LZTR1: variants seen among roughly 807,000 people sequenced by gnomAD.
LZTR1 encodes the protein leucine zipper like post translational regulator 1.
Under a neutral mutation model 105.7 loss-of-function variants are expected in LZTR1, and 260 were observed. The observed-to-expected ratio is 2.46, with a 90% CI of 2.22 to 2.72. The LOEUF (loss-of-function observed/expected upper bound fraction) is 2.72, where lower values mean the gene tolerates loss of function less well. Among genes scored for constraint, LZTR1 ranks in the 30% most tolerant of loss-of-function variants. LZTR1 has a pLI of 0.00. For missense variants in LZTR1, 1,214 were observed against 1,166.9 expected (o/e 1.04, Z -0.59); for synonymous variants, 490 against 476.4 (o/e 1.03, Z -0.37).
At position 20,994,975 on chromosome 22, in the gene LZTR1, C is replaced by G; in HGVS notation, c.1891C>G (p.Arg631Gly). Residue 631 changes from arginine to glycine, a missense_variant, in exon 16 of 21, where the codon CGG (arginine) becomes GGG (glycine). By Grantham distance (125) the Arg-to-Gly change is moderately radical. Transcript: ENST00000646124. ...SSPLIVEIVR[R>G]KQQPPPRTPL... ...TCCACTGATAGTGGAGATTGTGCGG[C>G]GGAAGCAGCAGCCGCCCCCTCGCAC... The G allele has an allele frequency of 6.2e-7, 1 of 1,613,132 alleles. No individual in the cohort carries two copies.
In LZTR1 at chr22:20,985,911, T is replaced by C; in HGVS notation, c.320+14T>C. 8 of 1,613,758 alleles carry C rather than the reference T, an allele frequency of 5.0e-6. No individual in the cohort carries two copies. Among genetic ancestry groups the C allele is most frequent in the Non-Finnish European group, 6.8e-6 (8 of 1,179,692 alleles). ...CTCCTGGTGCAGGTGGGTGGCCCCG[T>C]GCTCCAGGGCCCTGCCTTTCCTCCT... is the stretch of plus-strand genomic sequence containing the variant. On this transcript the variant is annotated intron_variant, in intron 3 of 20. Transcript: ENST00000646124.
intron 11 of LZTR1, chr22:20,993,286 C>G (rs1339253760): frequency 9.2e-6 from 4 of 433,492 alleles, no homozygotes; most frequent in Non-Finnish European, 1.7e-5. Context: ...GGACTCACAG[C>G]CACAGTGAGG....
In LZTR1 at chr22:20,994,236, C is replaced by T. The variant is rs1331354829; in HGVS notation, c.1582C>T (p.Leu528Phe). The T allele has an allele frequency of 1.9e-6, 3 of 1,599,776 alleles. No homozygotes were observed. Among genetic ancestry groups the T allele is most frequent in the East Asian group, 2.2e-5 (1 of 44,846 alleles). Residue 528 changes from leucine (L) to phenylalanine (F), a missense_variant, in exon 14 of 21, where the codon CTC becomes TTC. Leu to Phe is a conservative substitution (Grantham distance 22). Coordinates refer to ENST00000646124, the MANE Select transcript of LZTR1 (RefSeq NM_006767.4). ...ARPFEVLMQF[L>F]YTDKIKYPRK... ...GCCCTTCGAGGTGCTCATGCAGTTC[C>T]TCTACACCGACAAGATCAAATACCC... is the stretch of plus-strand genomic sequence containing the variant.
intron 18 of LZTR1, 28 bp from the exon 19 acceptor site, chr22:20,996,668 T>C: frequency 6.2e-7 from 1 of 1,603,940 alleles, no homozygotes; most frequent in Non-Finnish European, 8.5e-7. Flanking sequence ...ACCAGCTTCC[T>C]TTAGTCAGCT....
chr22:20,994,475 A>G (rs1924740510), intron 14 of LZTR1, 83 bp from the exon 15 acceptor site: 1 of 1,470,964 alleles, frequency 6.8e-7, no homozygotes, highest in Non-Finnish European at 9.3e-7. Flanking sequence ...CCCAGCCCAC[A>G]CTCTTCCATG....
Position 20,987,556 on chromosome 22 carries a change from G to T in LZTR1, c.373G>T (p.Val125Phe). ...CCCCCGTTACCACCACTCGGCCGTC[G>T]TCTATGGGAGCAGCATGTTTGTCTT... ...PAPRYHHSAV[V>F]YGSSMFVFGG... Residue 125 changes from valine to phenylalanine, a missense_variant, in exon 4 of 21, where the codon GTC becomes TTC. By Grantham distance (50) the Val-to-Phe change is conservative (BLOSUM62 -1). Transcript: ENST00000646124. 4.3e-6 allele frequency: 7 copies of T among 1,614,098 alleles called. No homozygotes were observed. The highest frequency in any genetic ancestry group is 5.9e-6 in the Non-Finnish European group (7 of 1,180,008).
chr22:20,990,668 C>T lies in LZTR1; in HGVS notation c.791+143C>T, dbSNP rs1160413936. 8.0e-6 allele frequency: 7 copies of T among 879,142 alleles called. No homozygotes were observed. The East Asian group carries it at 1.8e-4, about 23-fold the overall frequency. The allele number at this position is 879,142 out of a possible 1,614,324, so 54.5% of individuals were successfully genotyped here. Reference sequence around the variant, plus strand: ...AACAGCAGGAGGTTACAGCCCGGAGCAGGGATGTGCGGTGCCCCTGGCAGG... The same window carrying T: ...AACAGCAGGAGGTTACAGCCCGGAGTAGGGATGTGCGGTGCCCCTGGCAGG... On this transcript the variant is annotated intron_variant, in intron 8 of 20. Transcript: ENST00000646124.
intron 6 of LZTR1, 39 bp downstream of exon 6, chr22:20,988,911 G>A (rs1924499912): frequency 2.6e-6 from 4 of 1,564,286 alleles, no homozygotes; most frequent in Admixed American, 3.3e-5. Flanking sequence ...ACCTCCGACA[G>A]CACTGAGACC....
At chr22:20,984,052 C>G (rs1279657155) in intron 2 of LZTR1, among the ~76,000 whole-genome samples, 2 of 152,218 alleles carry the variant, frequency 1.3e-5, no homozygotes, top group South Asian at 4.1e-4. Flanking sequence ...CCCCCCTGCT[C>G]AGGCCCTTGC....
At position 20,996,979 on chromosome 22, in the gene LZTR1, G is replaced by A; in HGVS notation, c.2406+13G>A. On this transcript the variant is annotated intron_variant, in intron 20 of 20. Coordinates refer to ENST00000646124, the MANE Select transcript of LZTR1 (RefSeq NM_006767.4). ...CCAGTTCACCAAGGTCAGGGCTCTG[G>A]CCTCCCCTTCAGGACTCGCTTCCCC... 2 of 1,612,438 alleles carry A rather than the reference G, an allele frequency of 1.2e-6. No homozygotes were observed. The highest frequency in any genetic ancestry group is 2.2e-5 in the East Asian group (1 of 44,864).
chr22:20,988,177 G>T (rs1924467662), intron 5 of LZTR1, 59 bp downstream of exon 5: 2 of 1,121,074 alleles, frequency 1.8e-6, no homozygotes, highest in South Asian at 2.6e-5. Flanking sequence ...ATTGGACCTG[G>T]GATCTGCCCC....
chr22:20,993,755 G>T lies in LZTR1; in HGVS notation c.1353+1G>T, dbSNP rs1170363408. ...CGACGTGGAGTTCGTGCTGGGTGAG[G>T]TGGGTGCCTGTCCTCGCACCCTGCT... On this transcript the variant is annotated splice_donor_variant, in intron 12 of 20. Transcript: ENST00000646124. LOFTEE classifies it high-confidence loss of function. The T allele has an allele frequency of 1.9e-6, 3 of 1,611,768 alleles. No homozygotes were observed. Among genetic ancestry groups the T allele is most frequent in the Middle Eastern group, 1.6e-4 (1 of 6,068 alleles).
At chr22:20,982,637 C>A (rs550913674) in intron 1 of LZTR1, 66 bp downstream of exon 1, 561 of 1,519,808 alleles carry the variant, frequency 3.7e-4, no homozygotes, top group Non-Finnish European at 4.5e-4. Context: ...AGGGCGGGTC[C>A]AGGGGCGAAG....
rs148969689 is a variant in LZTR1 at position 20,993,700 on chromosome 22, C to T, written c.1299C>T (p.Tyr433=). The change falls in exon 12 of 21, where the codon TAC becomes TAT. Residue 433 remains tyrosine, a synonymous_variant. Coordinates refer to ENST00000646124, the MANE Select transcript of LZTR1 (RefSeq NM_006767.4). ...CTAAATGCACGCTGCACGAGGACTACGGGCGGCTGTGGGAGAGCCGCCAGT... is the reference window on the plus strand; with the variant it reads ...CTAAATGCACGCTGCACGAGGACTATGGGCGGCTGTGGGAGAGCCGCCAGT... The part of the protein sequence containing the change: ...CYPKCTLHED[Y]GRLWESRQFC... 2.2e-5 allele frequency: 35 copies of T among 1,613,402 alleles called. No individual in the cohort carries two copies. The highest frequency in any genetic ancestry group is 5.3e-5 in the African/African-American group (4 of 74,934).
intron 10 of LZTR1, 30 bp downstream of exon 10, chr22:20,992,399 A>G: frequency 6.3e-7 from 1 of 1,597,326 alleles, no homozygotes; most frequent in Non-Finnish European, 8.5e-7. Context: ...TTAAGACTCC[A>G]TCACCCCCTG....
chr22:20,994,786 C>G, intron 15 of LZTR1, 59 bp downstream of exon 15: 1 of 1,607,310 alleles, frequency 6.2e-7, no homozygotes, highest in Non-Finnish European at 8.5e-7. Flanking sequence ...CTTAGGCCCC[C>G]TCCCTGCCCA....
Position 20,994,279 on chromosome 22 carries a change from G to A in LZTR1, c.1615+10G>A. ...AAATACCCACGGAAAGGTCCGCCTG[G>A]GTGGGGGTGGAGCAGGGTTGGTGTG... is the stretch of plus-strand genomic sequence containing the variant. On this transcript the variant is annotated intron_variant, in intron 14 of 20. Transcript: ENST00000646124. The A allele has an allele frequency of 6.3e-7, 1 of 1,596,770 alleles. No homozygotes were observed. Among genetic ancestry groups the A allele is most frequent in the East Asian group, 2.2e-5 (1 of 44,792 alleles).
chr22:20,987,469 C>G, intron 3 of LZTR1, 35 bp from the exon 4 acceptor site: 1 of 1,295,172 alleles, frequency 7.7e-7, no homozygotes, highest in Non-Finnish European at 1.1e-6. Context: ...ATGGGTGACC[C>G]CCGCTGACTC....
At chr22:20,991,564 G>A in intron 8 of LZTR1, 64 bp from the exon 9 acceptor site, 1 of 1,317,134 alleles carries the variant, frequency 7.6e-7, no homozygotes, top group South Asian at 1.4e-5. Context: ...GCCTGCTGTG[G>A]GGAGGCCCCG....
Sources: allele counts gnomAD v4.1 joint callset (sites outside exome capture counted in the v4.1 genomes callset), GRCh38; gene constraint gnomAD v4.1.1; transcripts MANE v1.5; gene names NCBI Gene and HGNC (gene_info 2026-07-23, HGNC 2026-07-21).